Variants in ICA1 observed in about 807,000 individuals in gnomAD.
The protein encoded by ICA1 is islet cell autoantigen 1, also known as 69 kDa islet cell autoantigen.
A neutral mutation model predicts 71.0 loss-of-function variants in ICA1; 40 were observed. The ratio of observed to expected loss-of-function variants is 0.56; its 90% CI spans 0.44 to 0.73. ICA1 has a LOEUF of 0.73. ICA1 is among the 30% of genes least tolerant of loss of function. The probability of loss-of-function intolerance (pLI) is 0.00; values close to 1 mark genes in which losing one functional copy is unlikely to be tolerated. For synonymous variants in ICA1, 207 were observed against 209.5 expected (o/e 0.99, Z 0.10); for missense variants, 578 against 576.5 (o/e 1.00, Z -0.03).
At chr7:8,148,517 T>G (rs1378531132) in intron 8 of ICA1, among the ~76,000 whole-genome samples, 1 of 152,210 alleles carries the variant, frequency 6.6e-6, no homozygotes, top group Non-Finnish European at 1.5e-5. Flanking sequence ...GACCATAAAT[T>G]GTTACATCGT....
intron 12 of ICA1, among the ~76,000 whole-genome samples, chr7:8,136,137 C>T (rs746940913): frequency 5.3e-5 from 8 of 152,268 alleles, no homozygotes; most frequent in Non-Finnish European, 1.0e-4. Context: ...AATGTCATTA[C>T]GACACTGAAT....
At chr7:8,213,255 G>C (rs1461747277) in intron 6 of ICA1, among the ~76,000 whole-genome samples, 1 of 152,222 alleles carries the variant, frequency 6.6e-6, no homozygotes, top group Non-Finnish European at 1.5e-5. Flanking sequence ...AGAATTAGCA[G>C]AGGAAGAGCA....
intron 1 of ICA1, among the ~76,000 whole-genome samples, chr7:8,250,289 A>G (rs1346074122): frequency 6.6e-6 from 1 of 152,224 alleles, no homozygotes; most frequent in Non-Finnish European, 1.5e-5. Context: ...CAGTAGAAGC[A>G]GTGAAAAAAA....
At chr7:8,168,148 A>G (rs377404502) in intron 6 of ICA1, among the ~76,000 whole-genome samples, 4 of 152,130 alleles carry the variant, frequency 2.6e-5, no homozygotes, top group Admixed American at 6.6e-5. Flanking sequence ...GCTTGCCTCA[A>G]TGAATCAAGA....
At chr7:8,150,775 A>AT (rs753960855) in intron 8 of ICA1, among the ~76,000 whole-genome samples, 7 of 152,228 alleles carry the variant, frequency 4.6e-5, no homozygotes, top group Non-Finnish European at 1.0e-4. Context: ...TCAAAGTGCT[A>AT]TTTTTAATTG....
intron 6 of ICA1, among the ~76,000 whole-genome samples, chr7:8,213,851 C>T (rs963831432): frequency 2.7e-5 from 4 of 150,820 alleles, no homozygotes; most frequent in Non-Finnish European, 5.9e-5. Flanking sequence ...CACCACATAT[C>T]CTTTGATAAT....
At chr7:8,224,674 T>C (rs1239361321) in intron 4 of ICA1, among the ~76,000 whole-genome samples, 1 of 152,158 alleles carries the variant, frequency 6.6e-6, no homozygotes, top group Non-Finnish European at 1.5e-5. Flanking sequence ...TTATTTGAAT[T>C]TTACCAGTTT....
At chr7:8,200,517 G>A (rs959614515) in intron 6 of ICA1, among the ~76,000 whole-genome samples, 1 of 152,078 alleles carries the variant, frequency 6.6e-6, no homozygotes, top group Non-Finnish European at 1.5e-5. Context: ...TTTGGGGGAC[G>A]CAATCATGAA....
At chr7:8,215,630 G>A (rs1795164188) in intron 6 of ICA1, among the ~76,000 whole-genome samples, 1 of 152,166 alleles carries the variant, frequency 6.6e-6, no homozygotes, top group African/African-American at 2.4e-5. Flanking sequence ...TTTGTTGAAT[G>A]GACAAATAAA....
chr7:8,136,097 A>G (rs753333268), intron 12 of ICA1, among the ~76,000 whole-genome samples: 2 of 152,192 alleles, frequency 1.3e-5, no homozygotes, highest in African/African-American at 4.8e-5. Context: ...TTGGTTTTCC[A>G]TTATATTAGC....
intron 1 of ICA1, among the ~76,000 whole-genome samples, chr7:8,261,450 C>G (rs1321415461): frequency 1.3e-5 from 2 of 152,188 alleles, no homozygotes; most frequent in Non-Finnish European, 2.9e-5. Flanking sequence ...ACGGGCGCGC[C>G]AGGGTTTGCT....
chr7:8,132,747 C>A lies in ICA1; in HGVS notation c.1061-4605G>T, dbSNP rs1182196520. Among the ~76,000 whole-genome samples, 2 of 152,206 alleles carry A rather than the reference C, an allele frequency of 1.3e-5. No homozygotes were observed. Among genetic ancestry groups the A allele is most frequent in the Non-Finnish European group, 2.9e-5 (2 of 68,032 alleles). Reference sequence around the variant, plus strand: ...CAAACCATCATACCTTCCCTACATTCTCTATAGAAGATCTTTTCTATTCTT... The same window carrying A: ...CAAACCATCATACCTTCCCTACATTATCTATAGAAGATCTTTTCTATTCTT... On this transcript the variant is annotated intron_variant, in intron 12 of 13. Transcript: ENST00000402384. This position sits in a 1 kb window ranked among gnomAD's most constrained non-coding sequence, Gnocchi z 4.5.
At chr7:8,192,805 A>G in intron 6 of ICA1, among the ~76,000 whole-genome samples, 1 of 152,328 alleles carries the variant, frequency 6.6e-6, no homozygotes, top group Middle Eastern at 3.4e-3. Context: ...TACACTTACT[A>G]AAATTATTTA....
At position 8,130,079 on chromosome 7, in the gene ICA1, C is replaced by A. The variant is rs1395268057; in HGVS notation, c.1061-1937G>T. Among the ~76,000 whole-genome samples the A allele has an allele frequency of 6.6e-6, 1 of 151,952 alleles. No individual in the cohort carries two copies. The highest frequency in any genetic ancestry group is 1.5e-5 in the Non-Finnish European group (1 of 68,000). On this transcript the variant is annotated intron_variant, in intron 12 of 13. Transcript: ENST00000402384. The surrounding 1 kb of genome is among the most constrained non-coding windows in gnomAD (Gnocchi z 4.2). ...ATAGTATTCCATGGTGTATATGTGC[C>A]ACATTTTCTTAATCCAGTCTATCAT...
intron 1 of ICA1, among the ~76,000 whole-genome samples, chr7:8,253,076 T>C (rs1808740413): frequency 6.6e-6 from 1 of 152,216 alleles, no homozygotes; most frequent in Non-Finnish European, 1.5e-5. Context: ...AAATTATATA[T>C]GTGGCTGCTG....
intron 6 of ICA1, among the ~76,000 whole-genome samples, chr7:8,175,520 G>T (rs1037994811): frequency 2.1e-5 from 3 of 145,904 alleles, no homozygotes; most frequent in Admixed American, 6.9e-5. Flanking sequence ...TTAAGATAAG[G>T]GTTTTTTTCT....
chr7:8,117,961 C>A (rs1157652167), intron 13 of ICA1, among the ~76,000 whole-genome samples: 2 of 152,238 alleles, frequency 1.3e-5, no homozygotes, highest in Non-Finnish European at 2.9e-5. Flanking sequence ...TCCTGAGCCC[C>A]TGGAAGCCAG....
rs776283943 is a variant in ICA1, at chr7:8,221,359, C to A, written c.296G>T (p.Arg99Leu). The change falls in exon 5 of 14, where the codon CGA becomes CTA. Residue 99 changes from arginine (R) to leucine (L), a missense_variant. Coordinates refer to ENST00000402384, the MANE Select transcript of ICA1 (RefSeq NM_001136020.3). ...GGTTTTATCTTGGAAACCTTGGGATCGAAGAAATTTTCCCAGTTCGTTTTC... is the reference window on the plus strand; with the variant it reads ...GGTTTTATCTTGGAAACCTTGGGATAGAAGAAATTTTCCCAGTTCGTTTTC... ...QEENELGKFL[R>L]SQGFQDKTRA... The A allele has an allele frequency of 1.9e-6, 3 of 1,613,398 alleles. No individual in the cohort carries two copies. The highest frequency in any genetic ancestry group is 1.1e-5 in the South Asian group (1 of 91,062).
At chr7:8,262,205 A>T (rs1241339116), upstream of ICA1, 1 of 152,092 alleles carries the variant, frequency 6.6e-6, no homozygotes, top group Non-Finnish European at 1.5e-5. Flanking sequence ...GGGGGAGCGC[A>T]GGAACCGGCC....
Sources: gnomAD v4.1 joint callset for allele counts (sites outside exome capture counted in the v4.1 genomes callset) on GRCh38, gnomAD v4.1.1 for gene constraint, Gnocchi (gnomAD v3.1) non-coding constraint, MANE v1.5 for transcripts, NCBI Gene and HGNC (gene_info 2026-07-23, HGNC 2026-07-21) for gene names.